The following WWOX variants were observed in gnomAD, a reference collection of about 807,000 sequenced individuals.
WWOX encodes the protein WW domain-containing oxidoreductase.
A neutral mutation model predicts 46.2 loss-of-function variants in WWOX; 69 were observed. The observed-to-expected ratio is 1.49, with a 90% confidence interval of 1.23 to 1.82. The LOEUF is 1.82. WWOX is among the 40% of genes most tolerant of loss of function. WWOX has a pLI of 0.00. For missense variants in WWOX, 919 were observed against 542.6 expected (o/e 1.69, Z -6.89); for synonymous variants, 359 against 202.6 (o/e 1.77, Z -6.56).
intron 8 of WWOX, among the ~76,000 whole-genome samples, chr16:79,138,242 T>G (rs769591128): frequency 9.2e-5 from 14 of 152,204 alleles, no homozygotes; most frequent in Non-Finnish European, 1.9e-4. Context: ...GAAGGTTTTA[T>G]GTTCTAAGAG....
chr16:78,859,001 TAA>T (rs542176032), intron 8 of WWOX, among the ~76,000 whole-genome samples: 68 of 44,282 alleles, frequency 1.5e-3, no homozygotes, highest in East Asian at 3.9e-3. Context: ...TTTTGAAATT[TAA>T]AAAAAAAAAA....
chr16:78,943,617 T>C (rs1436239002), intron 8 of WWOX, among the ~76,000 whole-genome samples: 2 of 152,272 alleles, frequency 1.3e-5, no homozygotes, highest in East Asian at 3.9e-4. Flanking sequence ...GGCTCCACTC[T>C]GTGTGGCCCC....
At position 78,099,734 on chromosome 16, in the gene WWOX, C is replaced by A; in HGVS notation, c.-45C>A. ...GGGAGTGAGTTCCTGAGCGAGTGGA[C>A]CCGGCAGCGGGCGATAGGGGGGCCA... On this transcript the variant is annotated 5_prime_UTR_variant, in exon 1 of 9. Transcript: ENST00000566780. 2 of 1,513,048 alleles carry A rather than the reference C, an allele frequency of 1.3e-6. No individual in the cohort carries two copies. Among genetic ancestry groups the A allele is most frequent in the Non-Finnish European group, 1.8e-6 (2 of 1,130,934 alleles). The allele number at this position is 1,513,048 out of a possible 1,614,324, so 93.7% of individuals were successfully genotyped here. A position where few individuals can be genotyped will look rare whatever the true frequency, so the allele number is the denominator to read the frequency against.
rs766449905 is a variant in WWOX, at chr16:78,350,452, C to T, written c.517-36408C>T. ...CATCCTTTTCCCCACTTCCTTTTCT[C>T]TCCACTCCCAACCTCTCTCCCAGCT... On this transcript the variant is annotated intron_variant, in intron 5 of 8. Transcript: ENST00000566780. 2.2e-4 allele frequency among the ~76,000 whole-genome samples: 27 copies of T among 120,908 alleles called. 8 individuals carry two copies. Among genetic ancestry groups the T allele is most frequent in the Non-Finnish European group, 4.7e-4 (24 of 50,558 alleles). The allele number at this position is 120,908 out of a possible 152,430, so 79.3% of individuals were successfully genotyped here. A position where few individuals can be genotyped will look rare whatever the true frequency, so the allele number is the denominator to read the frequency against.
chr16:78,270,375 C>T (rs140338502), intron 5 of WWOX: 8 of 152,276 alleles, frequency 5.3e-5, no homozygotes, highest in East Asian at 1.9e-4. Context: ...GGCTTTCTTT[C>T]CAGTATAATA....
chr16:79,079,191 C>T (rs1169320263), intron 8 of WWOX, among the ~76,000 whole-genome samples: 1 of 152,206 alleles, frequency 6.6e-6, no homozygotes, highest in East Asian at 1.9e-4. Context: ...TCTGTCACCA[C>T]CACCTTTATT....
At chr16:79,021,317 G>A (rs529436251) in intron 8 of WWOX, among the ~76,000 whole-genome samples, 9 of 152,246 alleles carry the variant, frequency 5.9e-5, no homozygotes, top group Admixed American at 4.6e-4. Flanking sequence ...GCGAGATATT[G>A]TCTCTACTCT....
intron 8 of WWOX, among the ~76,000 whole-genome samples, chr16:79,108,982 C>G (rs932050299): frequency 3.3e-5 from 5 of 151,640 alleles, no homozygotes; most frequent in South Asian, 2.1e-4. Flanking sequence ...CAACATTATC[C>G]TTCTTCTCCC....
chr16:78,176,795 G>A (rs2035361886), intron 5 of WWOX, among the ~76,000 whole-genome samples: 1 of 152,126 alleles, frequency 6.6e-6, no homozygotes, highest in Non-Finnish European at 1.5e-5. Context: ...CAAATTGCAA[G>A]CAATAAGAAG....
At chr16:78,558,461 T>G (rs1268697148) in intron 8 of WWOX, among the ~76,000 whole-genome samples, 3 of 152,260 alleles carry the variant, frequency 2.0e-5, no homozygotes, top group Non-Finnish European at 4.4e-5. Flanking sequence ...TTGCCTGCAT[T>G]TTACATTTGG....
At chr16:78,735,284 C>G (rs1055864505) in intron 8 of WWOX, among the ~76,000 whole-genome samples, 1 of 151,812 alleles carries the variant, frequency 6.6e-6, no homozygotes, top group Non-Finnish European at 1.5e-5. Flanking sequence ...TCCACCTTGC[C>G]TATAGCGGAT....
chr16:78,883,941 T>G (rs2044397352), intron 8 of WWOX, among the ~76,000 whole-genome samples: 2 of 152,120 alleles, frequency 1.3e-5, no homozygotes, highest in Non-Finnish European at 2.9e-5. Context: ...TTTGGAAGAC[T>G]TGATTTACAT....
intron 5 of WWOX, among the ~76,000 whole-genome samples, chr16:78,278,890 T>TAAC (rs1457733303): frequency 1.3e-5 from 2 of 152,196 alleles, no homozygotes; most frequent in East Asian, 1.9e-4. Flanking sequence ...TGTGTGTGTT[T>TAAC]GTGTGTGCGT....
chr16:79,212,510 T>G lies in WWOX; in HGVS notation c.*714T>G, dbSNP rs1567626934. On this transcript the variant is annotated 3_prime_UTR_variant, in exon 9 of 9. Coordinates refer to ENST00000566780, the MANE Select transcript of WWOX (RefSeq NM_016373.4). ...AGGCAGGAAGGGAAGCGTATATACT[T>G]AAGAATACACAGGATATTTTGGGGG... 5.2e-6 allele frequency: 1 copy of G among 191,000 alleles called. No individual in the cohort carries two copies. The highest frequency in any genetic ancestry group is 1.1e-5 in the Non-Finnish European group (1 of 90,638). 11.8% of individuals were successfully genotyped at this position (191,000 alleles called of 1,614,324 possible). A position where few individuals can be genotyped will look rare whatever the true frequency, so the allele number is the denominator to read the frequency against.
intron 5 of WWOX, among the ~76,000 whole-genome samples, chr16:78,356,888 C>T (rs1415053349): frequency 1.3e-5 from 2 of 151,944 alleles, no homozygotes; most frequent in East Asian, 3.9e-4. Flanking sequence ...TCTCAAAAAA[C>T]AAACAAAAAA....
intron 8 of WWOX, among the ~76,000 whole-genome samples, chr16:79,127,644 G>A (rs1006306008): frequency 3.9e-5 from 6 of 152,092 alleles, no homozygotes; most frequent in South Asian, 2.1e-4. Flanking sequence ...TAGCAGCATC[G>A]GCTGAGAGAG....
intron 8 of WWOX, among the ~76,000 whole-genome samples, chr16:79,170,401 C>T (rs988779441): frequency 8.5e-5 from 13 of 152,158 alleles, no homozygotes; most frequent in Admixed American, 4.6e-4. Context: ...TCCTCTTTTG[C>T]CTCCTAATAC....
At chr16:79,155,400 GGGT>G (rs1367604207) in intron 8 of WWOX, among the ~76,000 whole-genome samples, 2 of 151,990 alleles carry the variant, frequency 1.3e-5, no homozygotes, top group Non-Finnish European at 1.5e-5. Context: ...AAAGGTGGGG[GGGT>G]GGGCAGAGAG....
At chr16:78,154,409 T>A (rs1487845029) in intron 4 of WWOX, among the ~76,000 whole-genome samples, 1 of 151,796 alleles carries the variant, frequency 6.6e-6, no homozygotes. Flanking sequence ...CCCACAGTTT[T>A]CGCTTGCTTC....
Sources: gnomAD v4.1 joint callset for allele counts (sites outside exome capture counted in the v4.1 genomes callset) on GRCh38, gnomAD v4.1.1 for gene constraint, MANE v1.5 for transcripts, NCBI Gene and HGNC (gene_info 2026-07-23, HGNC 2026-07-21) for gene names.